Variants in LSS observed in about 807,000 individuals in gnomAD.
The protein encoded by LSS is 2,3-epoxysqualene-lanosterol cyclase.
In LSS, 90 loss-of-function variants were observed where a neutral mutation model predicts 110.3. The ratio of observed to expected loss-of-function variants is 0.82; its 90% CI spans 0.69 to 0.97. LSS has a LOEUF of 0.97. Ranked by LOEUF, LSS falls within the 50% of genes least tolerant of loss-of-function variation. The probability of loss-of-function intolerance (pLI) is 0.00; values close to 1 mark genes in which losing one functional copy is unlikely to be tolerated. For synonymous variants in LSS, 433 were observed against 400.0 expected, an observed-to-expected ratio of 1.08 and a Z score of -0.98; for missense variants, 927 against 990.0, an observed-to-expected ratio of 0.94 and a Z score of 0.85.
rs1248176297 is a variant in LSS, at chr21:46,219,555, G to A, written c.568C>T (p.Pro190Ser). ...LHKKGGAVAI[P>S]SWGKFWLAVL... ...GCCAGCCAGAACTTCCCCCAGGAGG[G>A]GATGGCCACAGCACCACCTGAGCGG... The change falls in exon 6 of 22, where the codon CCC becomes TCC. Residue 190 changes from proline (P) to serine (S), a missense_variant. By Grantham distance (74) the Pro-to-Ser change is moderately conservative. Coordinates refer to ENST00000397728, the MANE Select transcript of LSS (RefSeq NM_002340.6). The A allele has an allele frequency of 1.3e-6, 2 of 1,599,838 alleles. No individual in the cohort carries two copies. The highest frequency in any genetic ancestry group is 1.7e-6 in the Non-Finnish European group (2 of 1,173,110).
chr21:46,201,110 G>A (rs1370711753), intron 17 of LSS, among the ~76,000 whole-genome samples: 1 of 141,434 alleles, frequency 7.1e-6, no homozygotes, highest in Non-Finnish European at 1.5e-5. Context: ...CCTCAGGGTA[G>A]AGCCTGGATC....
In LSS at chr21:46,191,199, T is replaced by C. The variant is rs753960627; in HGVS notation, c.2104A>G (p.Ile702Val). 5.0e-6 allele frequency: 8 copies of C among 1,613,974 alleles called. No homozygotes were observed. The highest frequency in any genetic ancestry group is 1.7e-4 in the Middle Eastern group (1 of 6,060). ...ATGTTCCTGTAGCTCGTGTAGGAGA[T>C]GGCACAGGACTTGTTGAAGACCCCA... ...IAGVFNKSCA[I>V]SYTSYRNIFP... Residue 702 changes from isoleucine (I) to valine (V), a missense_variant, in exon 22 of 22, where the codon ATC (isoleucine) becomes GTC (valine). By Grantham distance (29) the Ile-to-Val change is conservative (BLOSUM62 3). Coordinates refer to ENST00000397728, the MANE Select transcript of LSS (RefSeq NM_002340.6).
intron 11 of LSS, among the ~76,000 whole-genome samples, chr21:46,212,782 T>A (rs1648223039): frequency 6.6e-6 from 1 of 152,076 alleles, no homozygotes; most frequent in South Asian, 2.1e-4. Flanking sequence ...CTGAGCCCAC[T>A]CAGATCATCA....
At chr21:46,195,806 G>A (rs775485146) in intron 18 of LSS, 50 bp from the exon 19 acceptor site, 15 of 1,487,520 alleles carry the variant, frequency 1.0e-5, no homozygotes, top group South Asian at 4.5e-5. Context: ...TTCACAGCCG[G>A]TGTGTGAAAC....
In LSS at chr21:46,189,332, G is replaced by C. The variant is rs113978064; in HGVS notation, c.*1772C>G. ...TGTCTGTCCTGCTGCTACCCCACGT[G>C]GGGGAGAACACGTGGGCTGAGAAAA... On this transcript the variant is annotated 3_prime_UTR_variant, in exon 22 of 22. Coordinates refer to ENST00000397728, the MANE Select transcript of LSS (RefSeq NM_002340.6). 2.2e-3 allele frequency: 612 copies of C among 277,996 alleles called. 5 individuals are homozygous for C. The highest frequency in any genetic ancestry group is 0.012 in the African/African-American group (538 of 44,188). The allele number at this position is 277,996 out of a possible 1,614,324, so 17.2% of individuals were successfully genotyped here.
intron 18 of LSS, 101 bp from the exon 19 acceptor site, chr21:46,195,857 C>A: frequency 1.1e-6 from 1 of 907,626 alleles, no homozygotes; most frequent in Non-Finnish European, 1.8e-6. Flanking sequence ...CCAGCCAGCC[C>A]ACCAACTCCA....
intron 17 of LSS, among the ~76,000 whole-genome samples, chr21:46,196,990 C>G (rs565093915): frequency 1.3e-5 from 2 of 152,230 alleles, no homozygotes; most frequent in Non-Finnish European, 2.9e-5. Flanking sequence ...GAAGCTCAGG[C>G]GAGACCCCGG....
intron 20 of LSS, chr21:46,192,467 G>A (rs527375014): frequency 7.9e-5 from 36 of 454,142 alleles, no homozygotes; most frequent in South Asian, 5.0e-4. Context: ...TTCCCCAAAT[G>A]GCCACAAACC....
chr21:46,192,574 ACAT>A (rs1403894544), intron 20 of LSS: 2 of 361,822 alleles, frequency 5.5e-6, no homozygotes, highest in African/African-American at 2.5e-5. Flanking sequence ...ACCTGTATGT[ACAT>A]CTGTCTCCAT....
intron 10 of LSS, 138 bp from the exon 11 acceptor site, chr21:46,213,190 C>A: frequency 1.3e-6 from 1 of 788,846 alleles, no homozygotes; most frequent in South Asian, 1.4e-5. Flanking sequence ...GGATGCCACC[C>A]CAGCTGGGCT....
intron 3 of LSS, among the ~76,000 whole-genome samples, chr21:46,226,373 T>C (rs2080340076): frequency 6.6e-6 from 1 of 152,216 alleles, no homozygotes; most frequent in Non-Finnish European, 1.5e-5. Context: ...TCTATGTCAT[T>C]GCCTTACCAC....
At chr21:46,200,805 T>G (rs2079968615) in intron 17 of LSS, among the ~76,000 whole-genome samples, 1 of 152,138 alleles carries the variant, frequency 6.6e-6, no homozygotes, top group African/African-American at 2.4e-5. Flanking sequence ...GAGGGAAGAT[T>G]TTGCCATAAA....
At chr21:46,227,519 C>T (rs1281653503) in intron 3 of LSS, 33 bp downstream of exon 3, 1 of 1,612,498 alleles carries the variant, frequency 6.2e-7, no homozygotes, top group Non-Finnish European at 8.5e-7. Flanking sequence ...TCCAGGGTGG[C>T]CATACCATCA....
intron 15 of LSS, 53 bp from the exon 16 acceptor site, chr21:46,206,821 G>A: frequency 7.4e-7 from 1 of 1,342,984 alleles, no homozygotes; most frequent in Non-Finnish European, 1.1e-6. Flanking sequence ...GCACACACAG[G>A]CGCCCAGGGC....
chr21:46,225,386 C>CCGTGG, intron 3 of LSS: 1 of 453,442 alleles, frequency 2.2e-6, no homozygotes, highest in South Asian at 1.6e-5. Flanking sequence ...GCGGACCCAA[C>CCGTGG]CGTGGTCTAG....
At chr21:46,217,016 G>A (rs535011957) in intron 6 of LSS, among the ~76,000 whole-genome samples, 3 of 152,188 alleles carry the variant, frequency 2.0e-5, no homozygotes, top group Non-Finnish European at 4.4e-5. Context: ...GGAGGCCGAG[G>A]CTGGTGGATC....
At position 46,191,082 on chromosome 21, in the gene LSS, C is replaced by A; in HGVS notation, c.*22G>T. 1 of 1,613,690 alleles carries A rather than the reference C, an allele frequency of 6.2e-7. No individual in the cohort carries two copies. The highest frequency in any genetic ancestry group is 1.1e-5 in the South Asian group (1 of 91,050). ...TGGCCTCACTGGAACGCACAGACGG[C>A]ACCCAGCAGGTAGGCATGTTCTCAG... On this transcript the variant is annotated 3_prime_UTR_variant, in exon 22 of 22. Coordinates refer to ENST00000397728, the MANE Select transcript of LSS (RefSeq NM_002340.6).
intron 19 of LSS, 58 bp from the exon 20 acceptor site, chr21:46,194,719 C>A: frequency 1.3e-6 from 2 of 1,543,562 alleles, no homozygotes; most frequent in South Asian, 2.4e-5. Flanking sequence ...AGACCCCTGG[C>A]TTCTCACCCC....
rs2079776427 is a variant in LSS at position 46,189,631 on chromosome 21, C to A, written c.*1473G>T. ...GGCAGAGGGGTGCCCCTGAAGGACT[C>A]TGGGCAGGCAATGACAGGATCTGAG... On this transcript the variant is annotated 3_prime_UTR_variant, in exon 22 of 22. Coordinates refer to ENST00000397728, the MANE Select transcript of LSS (RefSeq NM_002340.6). 1.5e-5 allele frequency: 7 copies of A among 455,512 alleles called. No individual in the cohort carries two copies. Among genetic ancestry groups the A allele is most frequent in the South Asian group, 1.1e-4 (7 of 64,528 alleles). 28.2% of individuals were successfully genotyped at this position (455,512 alleles called of 1,614,324 possible).
Sources: gnomAD v4.1 joint callset for allele counts (sites outside exome capture counted in the v4.1 genomes callset) on GRCh38, gnomAD v4.1.1 for gene constraint, MANE v1.5 for transcripts, NCBI Gene and HGNC (gene_info 2026-07-23, HGNC 2026-07-21) for gene names.